The following PRKDC variants were observed in gnomAD, a reference collection of about 807,000 sequenced individuals.
PRKDC encodes protein kinase, DNA-activated, catalytic subunit.
Under a neutral mutation model 486.9 loss-of-function variants are expected in PRKDC, and 82 were observed. The observed-to-expected ratio is 0.17, with a 90% CI of 0.14 to 0.20. PRKDC has a LOEUF of 0.20. PRKDC is among the 10% of genes least tolerant of loss of function. The probability of loss-of-function intolerance (pLI) is 1.00; values close to 1 mark genes in which losing one functional copy is unlikely to be tolerated. For missense variants in PRKDC, 4,504 were observed against 5,038.2 expected (o/e 0.89, Z 3.21); for synonymous variants, 1,895 against 1,837.0 (o/e 1.03, Z -0.81).
At chr8:47,941,294 TGAA>T (rs958935415) in intron 10 of PRKDC, among the ~76,000 whole-genome samples, 1 of 152,174 alleles carries the variant, frequency 6.6e-6, no homozygotes. Context: ...CTCCCTATTC[TGAA>T]GAAGGAGGGA....
At chr8:47,840,900 G>A (rs541688099) in intron 54 of PRKDC, among the ~76,000 whole-genome samples, 2 of 152,190 alleles carry the variant, frequency 1.3e-5, no homozygotes, top group Non-Finnish European at 2.9e-5. Flanking sequence ...ACATAGCCAG[G>A]AGGGCCTCTC....
chr8:47,888,714 TG>T, intron 33 of PRKDC, 64 bp from the exon 34 acceptor site: 13 of 1,472,368 alleles, frequency 8.8e-6, no homozygotes, highest in Non-Finnish European at 9.0e-6. Flanking sequence ...CAAGATACAC[TG>T]AAAAAAATGT....
At position 47,898,644 on chromosome 8, in the gene PRKDC, G is replaced by A. The variant is rs576041059; in HGVS notation, c.3365-75C>T. 1.1e-4 allele frequency: 104 copies of A among 918,592 alleles called. No homozygotes were observed. In the South Asian group the frequency reaches 4.7e-3, roughly 42 times the overall value. The allele number at this position is 918,592 out of a possible 1,614,324, so 56.9% of individuals were successfully genotyped here. On this transcript the variant is annotated intron_variant, in intron 28 of 85. Coordinates refer to ENST00000314191, the MANE Select transcript of PRKDC (RefSeq NM_006904.7). ...TTATTATTAAATTTGTATTATAAAT[G>A]TGTTGGCCTAATTTTTAACTGAAAA...
chr8:47,828,139 A>G, intron 62 of PRKDC, 29 bp downstream of exon 62: 1 of 1,590,820 alleles, frequency 6.3e-7, no homozygotes, highest in Non-Finnish European at 8.6e-7. Flanking sequence ...CAAACAATGT[A>G]TATTTGATGA....
chr8:47,808,615 T>C (rs1447166385), intron 68 of PRKDC, among the ~76,000 whole-genome samples: 9 of 152,132 alleles, frequency 5.9e-5, no homozygotes. Flanking sequence ...GCTGAAACAA[T>C]AGGCGTGTGC....
rs773782780 is a variant in PRKDC, at chr8:47,776,892, C to T, written c.12134G>A (p.Cys4045Tyr). The change falls in exon 85 of 86, where the codon TGT (cysteine) becomes TAT (tyrosine). Residue 4045 changes from cysteine (C) to tyrosine (Y), a missense_variant. By Grantham distance (194) the Cys-to-Tyr change is radical. Transcript: ENST00000314191. ...ACCTGCTAACTTTCTCTTAGCGTAA[C>T]ATATTTTCTGTCGGGGGTACCAATT... ...EKNWYPRQKICYAKRKLAGAN... is the reference protein window; with the variant it reads ...EKNWYPRQKIYYAKRKLAGAN... The T allele has an allele frequency of 2.5e-6, 4 of 1,613,770 alleles. No individual in the cohort carries two copies. In the Admixed American group the frequency reaches 5.0e-5, roughly 20 times the overall value.
In PRKDC at chr8:47,857,180, T is replaced by C. The variant is rs2088561273; in HGVS notation, c.6585A>G (p.Ser2195=). ...CTGTTGGAGTGGCCAAGCCTGTCCA[T>C]GAAAGAATAGTGGCCACTATCTCAA... ...MVVEIVATIL[S]WTGLATPTGV... Residue 2195 remains serine (S), a synonymous_variant, in exon 49 of 86, where the codon TCA becomes TCG. Transcript: ENST00000314191. 1 of 1,613,860 alleles carries C rather than the reference T, an allele frequency of 6.2e-7. No individual in the cohort carries two copies. Among genetic ancestry groups the C allele is most frequent in the Non-Finnish European group, 8.5e-7 (1 of 1,179,840 alleles).
rs565213690 is a variant in PRKDC, at chr8:47,901,063, A to G, written c.3270-596T>C. On this transcript the variant is annotated intron_variant, in intron 27 of 85. Transcript: ENST00000314191. ...CAGCTACCTGGGAGGCTGAGGCAGGAGGACCACTTGAGCTCAGGAGGTTGA... is the reference window on the plus strand; with the variant it reads ...CAGCTACCTGGGAGGCTGAGGCAGGGGGACCACTTGAGCTCAGGAGGTTGA... Among the ~76,000 whole-genome samples, 145 of 146,902 alleles carry G rather than the reference A, an allele frequency of 9.9e-4. No homozygotes were observed. In the Middle Eastern group the frequency reaches 0.022, roughly 22 times the overall value.
At chr8:47,836,969 G>T (rs1373121539) in intron 57 of PRKDC, among the ~76,000 whole-genome samples, 1 of 152,210 alleles carries the variant, frequency 6.6e-6, no homozygotes, top group Non-Finnish European at 1.5e-5. Context: ...CATCCACTGT[G>T]GATTGGGAGG....
chr8:47,863,722 A>G (rs767207004), intron 41 of PRKDC, 145 bp from the exon 42 acceptor site: 4 of 659,590 alleles, frequency 6.1e-6, no homozygotes, highest in African/African-American at 1.9e-5. Flanking sequence ...ATAAGAAAGC[A>G]TGCAATTGTC....
rs568919795 is a variant in PRKDC, at chr8:47,959,892, A to G, written c.154+81T>C. The G allele has an allele frequency of 1.7e-4, 258 of 1,500,630 alleles. 1 individual carries two copies. The South Asian group carries it at 3.0e-3, about 17-fold the overall frequency. The allele number at this position is 1,500,630 out of a possible 1,614,324, so 93.0% of individuals were successfully genotyped here. ...CTTCAAAATACCGTCATCTAAACAC[A>G]GAGAAGCGCCGGGCTGCCCGGCTCC... is the stretch of plus-strand genomic sequence containing the variant. On this transcript the variant is annotated intron_variant, in intron 1 of 85. Coordinates refer to ENST00000314191, the MANE Select transcript of PRKDC (RefSeq NM_006904.7).
intron 21 of PRKDC, among the ~76,000 whole-genome samples, chr8:47,923,826 G>C (rs1033556212): frequency 6.6e-6 from 1 of 152,208 alleles, no homozygotes; most frequent in Non-Finnish European, 1.5e-5. Flanking sequence ...TAGATGGGGA[G>C]TGAACAAGCC....
At chr8:47,894,973 G>C (rs1055833392) in intron 30 of PRKDC, among the ~76,000 whole-genome samples, 4 of 152,148 alleles carry the variant, frequency 2.6e-5, no homozygotes, top group African/African-American at 9.7e-5. Flanking sequence ...CTACTCATGA[G>C]GCTGGGGCAG....
chr8:47,911,223 A>C (rs1242736193), intron 25 of PRKDC, among the ~76,000 whole-genome samples: 1 of 152,214 alleles, frequency 6.6e-6, no homozygotes, highest in Non-Finnish European at 1.5e-5. Flanking sequence ...AGCAAGGAAC[A>C]CCAGGCTCTG....
chr8:47,944,126 T>C lies in PRKDC; in HGVS notation c.722-97A>G, dbSNP rs2090490723. 3 of 993,582 alleles carry C rather than the reference T, an allele frequency of 3.0e-6. No individual in the cohort carries two copies. In the African/African-American group the frequency reaches 4.9e-5, roughly 16 times the overall value. The allele number at this position is 993,582 out of a possible 1,614,324, so 61.5% of individuals were successfully genotyped here. A position where few individuals can be genotyped will look rare whatever the true frequency, so the allele number is the denominator to read the frequency against. ...GACACCTATATTAACCCCATTAATC[T>C]CTTGTGAATTCAGGAGAAACATCTT... On this transcript the variant is annotated intron_variant, in intron 7 of 85. Transcript: ENST00000314191.
chr8:47,830,007 G>A (rs532174346), intron 61 of PRKDC, among the ~76,000 whole-genome samples: 4 of 152,184 alleles, frequency 2.6e-5, no homozygotes, highest in African/African-American at 4.8e-5. Context: ...TAGAAGCACC[G>A]CACTACCCAA....
At chr8:47,911,496 T>C (rs746681162) in intron 25 of PRKDC, among the ~76,000 whole-genome samples, 1 of 152,240 alleles carries the variant, frequency 6.6e-6, no homozygotes, top group African/African-American at 2.4e-5. Context: ...AGTTTCCAGT[T>C]TTCACTATGA....
Position 47,953,652 on chromosome 8 carries a change from A to T in PRKDC, c.689T>A (p.Leu230His), listed in dbSNP as rs375371187. ...CATGGACTTAGTGAAGTTGCACAGAAGTGAGGACAACCCCTTCAGACATCC... is the reference window on the plus strand; with the variant it reads ...CATGGACTTAGTGAAGTTGCACAGATGTGAGGACAACCCCTTCAGACATCC... ...LAGCLKGLSSLLCNFTKSMEE... is the reference protein window; with the variant it reads ...LAGCLKGLSSHLCNFTKSMEE... Residue 230 changes from leucine to histidine, a missense_variant, in exon 7 of 86, where the codon CTT (leucine) becomes CAT (histidine). Around this residue, in one of 6 missense-constraint regions of PRKDC, gnomAD observed 1,969 missense variants for 2,068.9 expected, o/e 0.95. Coordinates refer to ENST00000314191, the MANE Select transcript of PRKDC (RefSeq NM_006904.7). The T allele has an allele frequency of 5.0e-6, 8 of 1,613,548 alleles. No homozygotes were observed. The highest frequency in any genetic ancestry group is 3.3e-5 in the Admixed American group (2 of 59,968).
intron 17 of PRKDC, 37 bp downstream of exon 17, chr8:47,930,635 A>C (rs1454195843): frequency 6.6e-7 from 1 of 1,514,880 alleles, no homozygotes; most frequent in Admixed American, 2.1e-5. Flanking sequence ...ACTAACAATC[A>C]TTTTCATTCT....
Sources: allele counts gnomAD v4.1 joint callset (sites outside exome capture counted in the v4.1 genomes callset), GRCh38; gene constraint gnomAD v4.1.1; regional missense constraint gnomAD v4.1.1; transcripts MANE v1.5; gene names NCBI Gene and HGNC (gene_info 2026-07-23, HGNC 2026-07-21).